GOLM2: variants seen among roughly 807,000 people sequenced by gnomAD.
GOLM2 encodes the protein protein GOLM2.
GOLM2 carries 26 observed loss-of-function variants against 55.9 expected under a neutral mutation model. The observed-to-expected ratio is 0.47, with a 90% CI of 0.34 to 0.65. The LOEUF is 0.65. GOLM2 is among the 30% of genes least tolerant of loss of function. The pLI is 0.01. For synonymous variants in GOLM2, 165 were observed against 194.6 expected (o/e 0.85, Z 1.27); for missense variants, 486 against 531.8 (o/e 0.91, Z 0.85).
At chr15:44,359,512 C>T (rs925459606) in intron 6 of GOLM2, among the ~76,000 whole-genome samples, 2 of 151,306 alleles carry the variant, frequency 1.3e-5, no homozygotes, top group Non-Finnish European at 3.0e-5. Context: ...GGGTTGAACC[C>T]GGGAGGCAGA....
intron 1 of GOLM2, among the ~76,000 whole-genome samples, chr15:44,316,703 C>A (rs552756026): frequency 6.7e-6 from 1 of 148,882 alleles, no homozygotes; most frequent in Non-Finnish European, 1.5e-5. Context: ...TGCAGTGAGC[C>A]GAGATTGTGC....
chr15:44,293,503 T>G (rs1187272478), intron 1 of GOLM2, among the ~76,000 whole-genome samples: 1 of 152,204 alleles, frequency 6.6e-6, no homozygotes, highest in Non-Finnish European at 1.5e-5. Flanking sequence ...TTCCTTGTTT[T>G]TTAGACCTTT....
At chr15:44,363,897 C>A (rs1225761627) in intron 6 of GOLM2, among the ~76,000 whole-genome samples, 1 of 152,016 alleles carries the variant, frequency 6.6e-6, no homozygotes, top group Non-Finnish European at 1.5e-5. Context: ...TTTGTAGGGA[C>A]ATGGATGAAA....
chr15:44,364,798 A>G (rs1342491456), intron 6 of GOLM2, among the ~76,000 whole-genome samples: 1 of 152,192 alleles, frequency 6.6e-6, no homozygotes, highest in Non-Finnish European at 1.5e-5. Context: ...ACATATGAAA[A>G]GATGCTTCAT....
chr15:44,407,770 T>C (rs917276566), intron 9 of GOLM2, among the ~76,000 whole-genome samples: 1 of 148,328 alleles, frequency 6.7e-6, no homozygotes, highest in African/African-American at 2.5e-5. Context: ...CTTTCTTTTA[T>C]CTTTTTTTTT....
chr15:44,346,692 G>C (rs992912373), intron 6 of GOLM2, among the ~76,000 whole-genome samples: 4 of 152,186 alleles, frequency 2.6e-5, no homozygotes, highest in Admixed American at 2.6e-4. Flanking sequence ...GCTCTAGATT[G>C]AAACCAGTAA....
chr15:44,338,378 A>G (rs1194225776), intron 6 of GOLM2, 61 bp downstream of exon 6: 2 of 1,283,128 alleles, frequency 1.6e-6, no homozygotes, highest in South Asian at 2.5e-5. Flanking sequence ...ATGTGACCCC[A>G]TTCTCTTTTT....
chr15:44,411,702 G>A (rs558304320), intron 9 of GOLM2, among the ~76,000 whole-genome samples: 3 of 151,788 alleles, frequency 2.0e-5, no homozygotes, highest in East Asian at 2.0e-4. Context: ...GGTGGCAAGC[G>A]CCTTTAGTCC....
chr15:44,383,350 C>T (rs967102733), intron 8 of GOLM2, among the ~76,000 whole-genome samples: 3 of 152,056 alleles, frequency 2.0e-5, no homozygotes, highest in Admixed American at 6.6e-5. Context: ...GGTCAAAGCA[C>T]TTGACTAGCT....
At chr15:44,364,117 G>A (rs557730156) in intron 6 of GOLM2, among the ~76,000 whole-genome samples, 4 of 152,132 alleles carry the variant, frequency 2.6e-5, no homozygotes, top group Non-Finnish European at 4.4e-5. Flanking sequence ...TGGGTGCCGC[G>A]CACCAGCATG....
intron 2 of GOLM2, among the ~76,000 whole-genome samples, chr15:44,326,141 A>C (rs1185030500): frequency 6.6e-6 from 1 of 151,894 alleles, no homozygotes; most frequent in East Asian, 1.9e-4. Flanking sequence ...GGGTGCCTGT[A>C]ATCCCAGCAA....
intron 8 of GOLM2, among the ~76,000 whole-genome samples, chr15:44,391,542 A>C (rs2079489508): frequency 6.6e-6 from 1 of 151,878 alleles, no homozygotes; most frequent in Non-Finnish European, 1.5e-5. Flanking sequence ...AATTGGAAAG[A>C]TCGTCAGCAC....
At chr15:44,301,135 A>G (rs2078794571) in intron 1 of GOLM2, among the ~76,000 whole-genome samples, 1 of 152,148 alleles carries the variant, frequency 6.6e-6, no homozygotes, top group Admixed American at 6.6e-5. Flanking sequence ...TTGATGATTA[A>G]CAAAGGCCTC....
chr15:44,336,417 C>A (rs1452699715), intron 4 of GOLM2, among the ~76,000 whole-genome samples: 1 of 152,072 alleles, frequency 6.6e-6, no homozygotes, highest in Non-Finnish European at 1.5e-5. Context: ...GTGCCTGGCC[C>A]AAACTGCTTA....
At chr15:44,324,724 T>G (rs1004538299) in intron 2 of GOLM2, among the ~76,000 whole-genome samples, 1 of 152,176 alleles carries the variant, frequency 6.6e-6, no homozygotes, top group Non-Finnish European at 1.5e-5. Context: ...TGAAAGAAAG[T>G]TCAAAGTCAA....
At chr15:44,396,366 A>G (rs28689748) in intron 8 of GOLM2, among the ~76,000 whole-genome samples, 1 of 151,616 alleles carries the variant, frequency 6.6e-6, no homozygotes, top group Admixed American at 6.6e-5. Flanking sequence ...AAAAAAAAAA[A>G]TTTTTTTTTA....
At chr15:44,357,371 C>T (rs2079205148) in intron 6 of GOLM2, among the ~76,000 whole-genome samples, 1 of 151,942 alleles carries the variant, frequency 6.6e-6, no homozygotes, top group Admixed American at 6.6e-5. Flanking sequence ...ATGATAAAAA[C>T]ACAGTTAACT....
intron 6 of GOLM2, among the ~76,000 whole-genome samples, chr15:44,357,654 G>A (rs1012765764): frequency 6.6e-6 from 1 of 152,150 alleles, no homozygotes; most frequent in African/African-American, 2.4e-5. Context: ...GAAGACCCAA[G>A]AGAACTGACA....
intron 1 of GOLM2, among the ~76,000 whole-genome samples, chr15:44,292,026 A>G (rs2078724218): frequency 6.6e-6 from 1 of 152,064 alleles, no homozygotes; most frequent in South Asian, 2.1e-4. Context: ...CCTACCTATT[A>G]TGGCACAGAA....
Sources: allele counts gnomAD v4.1 joint callset (sites outside exome capture counted in the v4.1 genomes callset), GRCh38; gene constraint gnomAD v4.1.1; transcripts MANE v1.5; gene names NCBI Gene and HGNC (gene_info 2026-07-23, HGNC 2026-07-21).